HTR3D: variants seen among roughly 807,000 people sequenced by gnomAD.
HTR3D encodes the protein 5-hydroxytryptamine receptor 3D.
HTR3D carries 47 observed loss-of-function variants against 45.8 expected under a neutral mutation model. The ratio of observed to expected loss-of-function variants is 1.03; its 90% CI spans 0.81 to 1.31. The LOEUF is 1.31. Ranked by LOEUF, HTR3D falls within the 50% of genes most tolerant of loss-of-function variation. The pLI, the probability that HTR3D is intolerant of heterozygous loss-of-function variation, is 0.00. For synonymous variants in HTR3D, 203 were observed against 199.8 expected (o/e 1.02, Z -0.13); for missense variants, 448 against 506.9 (o/e 0.88, Z 1.12).
At chr3:184,037,403 T>G (rs1722939736) in intron 5 of HTR3D, among the ~76,000 whole-genome samples, 1 of 152,160 alleles carries the variant, frequency 6.6e-6, no homozygotes, top group African/African-American at 2.4e-5. Context: ...CAGTAAATAG[T>G]TACTAAATAA....
Position 184,036,762 on chromosome 3 carries a change from A to C in HTR3D, c.382A>C (p.Arg128=), listed in dbSNP as rs774760127. Residue 128 remains arginine, a synonymous_variant, in exon 5 of 8, where the codon AGG becomes CGG. Coordinates refer to ENST00000428798, the MANE Select transcript of HTR3D (RefSeq NM_001145143.1). ...GAGAACACGAGCCCGGGCATGGAGA[A>C]GGATGTCCAGGAGCTTTCAAATACA... ...SPTQVTRAWR[R]MSRSFQIHHR... is the part of the protein sequence containing the mutation. 76 of 1,552,084 alleles carry C rather than the reference A, an allele frequency of 4.9e-5. No individual in the cohort carries two copies. The highest frequency in any genetic ancestry group is 9.5e-5 in the South Asian group (8 of 84,074).
rs1440814710 is a variant in HTR3D at position 184,036,174 on chromosome 3, C to A, written c.197+74C>A. On this transcript the variant is annotated intron_variant, in intron 3 of 7. Coordinates refer to ENST00000428798, the MANE Select transcript of HTR3D (RefSeq NM_001145143.1). ...GGACACAATGTTACCGATAAGGCCA[C>A]ACAAAGACTCAACTTAGAAAAGAGC... 2.0e-6 allele frequency: 3 copies of A among 1,500,574 alleles called. No individual in the cohort carries two copies. The African/African-American group carries it at 4.2e-5, about 21-fold the overall frequency. 93.0% of individuals were successfully genotyped at this position (1,500,574 alleles called of 1,614,324 possible).
At chr3:184,035,923 C>A (rs1406663075) in intron 2 of HTR3D, 92 bp from the exon 3 acceptor site, 7 of 1,306,238 alleles carry the variant, frequency 5.4e-6, no homozygotes, top group Admixed American at 2.4e-5. Flanking sequence ...GAACTCCTGA[C>A]CTTCAGTGAT....
chr3:184,036,634 G>T, intron 4 of HTR3D, 90 bp downstream of exon 4: 1 of 1,588,542 alleles, frequency 6.3e-7, no homozygotes, highest in Non-Finnish European at 8.6e-7. Context: ...AGGGAATCTT[G>T]CTGAAAAGGG....
Position 184,036,808 on chromosome 3 carries a change from C to T in HTR3D, c.428C>T (p.Thr143Ile), listed in dbSNP as rs974858782. ...FQIHHRTSFRTRREWVLLGIQ... is the reference protein window; with the variant it reads ...FQIHHRTSFRIRREWVLLGIQ... ...ATACATCACAGAACCTCATTCAGAA[C>T]AAGGAGGGAGTGGGTACTGCTGGGT... is the stretch of plus-strand genomic sequence containing the variant. The change falls in exon 5 of 8, where the codon ACA (threonine) becomes ATA (isoleucine). Residue 143 changes from threonine to isoleucine, a missense_variant. Physicochemically the swap from Thr to Ile is moderately conservative, Grantham distance 89. Transcript: ENST00000428798. 7.1e-6 allele frequency: 11 copies of T among 1,551,832 alleles called. No homozygotes were observed. The African/African-American group carries it at 9.6e-5, about 14-fold the overall frequency.
At position 184,036,774 on chromosome 3, in the gene HTR3D, A is replaced by G; in HGVS notation, c.394A>G (p.Ser132Gly). 6.4e-7 allele frequency: 1 copy of G among 1,552,160 alleles called. No individual in the cohort carries two copies. The highest frequency in any genetic ancestry group is 8.7e-7 in the Non-Finnish European group (1 of 1,147,080). ...CCGGGCATGGAGAAGGATGTCCAGGAGCTTTCAAATACATCACAGAACCTC... is the reference window on the plus strand; with the variant it reads ...CCGGGCATGGAGAAGGATGTCCAGGGGCTTTCAAATACATCACAGAACCTC... ...VTRAWRRMSR[S>G]FQIHHRTSFR... is the part of the protein sequence containing the mutation. The change falls in exon 5 of 8, where the codon AGC becomes GGC. Residue 132 changes from serine to glycine, a missense_variant. Physicochemically the swap from Ser to Gly is moderately conservative, Grantham distance 56 (BLOSUM62 0). Coordinates refer to ENST00000428798, the MANE Select transcript of HTR3D (RefSeq NM_001145143.1).
At chr3:184,035,658 C>T (rs975484582) in intron 2 of HTR3D, among the ~76,000 whole-genome samples, 6 of 151,852 alleles carry the variant, frequency 4.0e-5, no homozygotes, top group South Asian at 2.1e-4. Context: ...TCTCTCATGC[C>T]ATGGTTTCCT....
intron 1 of HTR3D, chr3:184,032,752 C>A: frequency 9.7e-7 from 1 of 1,033,426 alleles, no homozygotes. Flanking sequence ...CCACCATTTG[C>A]CTACCAGCTC....
chr3:184,038,276 G>T lies in HTR3D; in HGVS notation c.769+3G>T. On this transcript the variant is annotated splice_donor_region_variant and intron_variant, in intron 6 of 7. Transcript: ENST00000428798. The surrounding 1 kb of genome is among the most constrained non-coding windows in gnomAD (Gnocchi z 4.5). The stretch of plus-strand genomic sequence containing the variant: ...TCCATCAAGAGACCAAAAGCGAGGT[G>T]TGTGTTGGATGGGGAGAGGGATGGG... 1 of 1,613,930 alleles carries T rather than the reference G, an allele frequency of 6.2e-7. No homozygotes were observed. Among genetic ancestry groups the T allele is most frequent in the Non-Finnish European group, 8.5e-7 (1 of 1,179,848 alleles).
chr3:184,031,816 A>T lies in HTR3D; in HGVS notation c.66+9A>T, dbSNP rs1030949413. 1 of 1,547,806 alleles carries T rather than the reference A, an allele frequency of 6.5e-7. No homozygotes were observed. The highest frequency in any genetic ancestry group is 1.4e-5 in the African/African-American group (1 of 72,936). ...TCCACCTGCTGCTGCAAGTACCTTAAGATAAGAGCAAGAGCTGAGCAGACA... is the reference window on the plus strand; with the variant it reads ...TCCACCTGCTGCTGCAAGTACCTTATGATAAGAGCAAGAGCTGAGCAGACA... On this transcript the variant is annotated intron_variant, in intron 1 of 7. Transcript: ENST00000428798.
At chr3:184,037,038 T>C in intron 5 of HTR3D, 142 bp downstream of exon 5, 2 of 187,758 alleles carry the variant, frequency 1.1e-5, no homozygotes, top group Non-Finnish European at 1.6e-5. Context: ...TTTGTCACTC[T>C]TTTTTTTTTT....
intron 1 of HTR3D, among the ~76,000 whole-genome samples, 188 bp downstream of exon 1, chr3:184,031,995 C>CTTTT (rs3031482): frequency 0.019 from 2,523 of 129,568 alleles, 156 homozygotes; most frequent in African/African-American, 0.071. Flanking sequence ...CTTTTCTCTT[C>CTTTT]TTTTTTTTTT....
intron 1 of HTR3D, 41 bp from the exon 2 acceptor site, chr3:184,035,137 C>G: frequency 6.4e-7 from 1 of 1,551,660 alleles, no homozygotes; most frequent in Non-Finnish European, 8.7e-7. Context: ...TGGGACCTGC[C>G]TTCCTGGAGT....
At position 184,038,952 on chromosome 3, in the gene HTR3D, G is replaced by C; in HGVS notation, c.1192G>C (p.Val398Leu). The part of the protein sequence containing the change: ...LLFMASSIIT[V>L]ICLWNT ...CTTCATGGCCTCCTCCATCATCACC[G>C]TCATATGCCTCTGGAACACCTAGGC... is the stretch of plus-strand genomic sequence containing the variant. The change falls in exon 8 of 8, where the codon GTC becomes CTC. Residue 398 changes from valine to leucine, a missense_variant. Transcript: ENST00000428798. This position sits in a 1 kb window ranked among gnomAD's most constrained non-coding sequence, Gnocchi z 4.5. 6.2e-7 allele frequency: 1 copy of C among 1,614,164 alleles called. No individual in the cohort carries two copies. The highest frequency in any genetic ancestry group is 8.5e-7 in the Non-Finnish European group (1 of 1,180,024).
Position 184,039,049 on chromosome 3 carries a change from G to GTCAGTCCCAATT in HTR3D, c.*78_*79insTCCCAATTTCAG. The GTCAGTCCCAATT allele has an allele frequency of 6.6e-7, 1 of 1,515,752 alleles. No individual in the cohort carries two copies. Among genetic ancestry groups the GTCAGTCCCAATT allele is most frequent in the Non-Finnish European group, 9.1e-7 (1 of 1,098,214 alleles). The allele number at this position is 1,515,752 out of a possible 1,614,324, so 93.9% of individuals were successfully genotyped here. On this transcript the variant is annotated 3_prime_UTR_variant, in exon 8 of 8. Transcript: ENST00000428798. ...ACTCCAGAAACCAGTCAGGCTCTCAGTCAGCCTTGTGGCCCTGTCAACCGC... is the reference window on the plus strand; with the variant it reads ...ACTCCAGAAACCAGTCAGGCTCTCAGTCAGTCCCAATTTCAGCCTTGTGGCCCTGTCAACCGC...
intron 3 of HTR3D, 98 bp from the exon 4 acceptor site, chr3:184,036,277 G>T: frequency 6.6e-7 from 1 of 1,523,850 alleles, no homozygotes; most frequent in South Asian, 1.3e-5. Flanking sequence ...AGTGGGGCTG[G>T]AGCTCGAGAA....
At chr3:184,034,600 T>C (rs1232939377) in intron 1 of HTR3D, among the ~76,000 whole-genome samples, 2 of 123,198 alleles carry the variant, frequency 1.6e-5, no homozygotes, top group Non-Finnish European at 3.3e-5. Flanking sequence ...TTTATCACAA[T>C]AAAATATTGA....
Position 184,038,975 on chromosome 3 carries a change from G to C in HTR3D, c.1215G>C (p.Ter405TyrextTer48), listed in dbSNP as rs1389307306. The change falls in exon 8 of 8, where the codon TAG becomes TAC. Residue 405 changes from the stop codon to tyrosine (Y), a stop_lost. Coordinates refer to ENST00000428798, the MANE Select transcript of HTR3D (RefSeq NM_001145143.1). The surrounding 1 kb of genome is among the most constrained non-coding windows in gnomAD (Gnocchi z 4.5). ...CCGTCATATGCCTCTGGAACACCTA[G>C]GCAGGTGCTCACCTGCAAACTTCAG... ...IITVICLWNT[*>Y] 2 of 1,613,860 alleles carry C rather than the reference G, an allele frequency of 1.2e-6. No homozygotes were observed. Among genetic ancestry groups the C allele is most frequent in the East Asian group, 2.2e-5 (1 of 44,882 alleles).
At position 184,038,720 on chromosome 3, in the gene HTR3D, A is replaced by G. The variant is rs200699656; in HGVS notation, c.986-26A>G. 8.0e-5 allele frequency: 125 copies of G among 1,565,252 alleles called. No homozygotes were observed. The African/African-American group carries it at 1.3e-3, about 16-fold the overall frequency. The stretch of plus-strand genomic sequence containing the variant: ...CCTCCACAGGTGACATTTGCAGCCC[A>G]TGGCTGAGTCTCTGTCTTTCTGTAG... On this transcript the variant is annotated intron_variant, in intron 7 of 7. Coordinates refer to ENST00000428798, the MANE Select transcript of HTR3D (RefSeq NM_001145143.1). This position sits in a 1 kb window ranked among gnomAD's most constrained non-coding sequence, Gnocchi z 4.5.
Sources: gnomAD v4.1 joint callset for allele counts (sites outside exome capture counted in the v4.1 genomes callset) on GRCh38, gnomAD v4.1.1 for gene constraint, Gnocchi (gnomAD v3.1) non-coding constraint, MANE v1.5 for transcripts, NCBI Gene and HGNC (gene_info 2026-07-23, HGNC 2026-07-21) for gene names.